The following NPFFR2 variants were observed in gnomAD, a reference collection of about 807,000 sequenced individuals.
NPFFR2 encodes G-protein coupled receptor 74.
Under a neutral mutation model 13.1 loss-of-function variants are expected in NPFFR2, and 15 were observed. The ratio of observed to expected loss-of-function variants is 1.15; its 90% CI spans 0.77 to 1.76. NPFFR2 has a LOEUF of 1.76. Ranked by LOEUF, NPFFR2 falls within the 40% of genes most tolerant of loss-of-function variation. The pLI, the probability that NPFFR2 is intolerant of heterozygous loss-of-function variation, is 0.00. For synonymous variants in NPFFR2, 190 were observed against 175.7 expected (o/e 1.08, Z -0.65); for missense variants, 572 against 503.5 (o/e 1.14, Z -1.30).
intron 1 of NPFFR2, among the ~76,000 whole-genome samples, chr4:72,103,104 G>A (rs1445687973): frequency 6.6e-6 from 1 of 152,062 alleles, no homozygotes; most frequent in Non-Finnish European, 1.5e-5. Context: ...GTTTTGATTT[G>A]CATTTTGAAT....
chr4:72,083,465 C>T (rs930270897), intron 1 of NPFFR2, among the ~76,000 whole-genome samples: 9 of 152,094 alleles, frequency 5.9e-5, no homozygotes, highest in Non-Finnish European at 1.0e-4. Context: ...TTTTTCAGTA[C>T]CTTAGCAGCA....
chr4:72,147,130 T>A lies in NPFFR2; in HGVS notation c.581T>A (p.Leu194His). The A allele has an allele frequency of 6.2e-7, 1 of 1,614,152 alleles. No individual in the cohort carries two copies. The highest frequency in any genetic ancestry group is 2.2e-5 in the East Asian group (1 of 44,882). ...VQEEKYYRVRLNSQNKTSPVY... is the reference protein window; with the variant it reads ...VQEEKYYRVRHNSQNKTSPVY... ...GAAGAAAAATATTACCGAGTGAGAC[T>A]CAACTCCCAGAATAAAACCAGTCCA... Residue 194 changes from leucine to histidine, a missense_variant, in exon 4 of 4, where the codon CTC (leucine) becomes CAC (histidine). Leu to His is a moderately conservative substitution (Grantham distance 99). Transcript: ENST00000308744.
chr4:72,053,190 A>G (rs771677180), intron 1 of NPFFR2, among the ~76,000 whole-genome samples: 33 of 151,920 alleles, frequency 2.2e-4, no homozygotes, highest in Non-Finnish European at 4.0e-4. Flanking sequence ...CATTTTGTCA[A>G]CAACTTCAAA....
chr4:72,091,156 A>G (rs1271288242), intron 1 of NPFFR2, among the ~76,000 whole-genome samples: 1 of 152,114 alleles, frequency 6.6e-6, no homozygotes, highest in Non-Finnish European at 1.5e-5. Flanking sequence ...TGTATGTTCA[A>G]CCAGCTCTGC....
At chr4:72,056,905 C>T (rs896810624) in intron 1 of NPFFR2, among the ~76,000 whole-genome samples, 2 of 151,852 alleles carry the variant, frequency 1.3e-5, no homozygotes, top group African/African-American at 4.8e-5. Flanking sequence ...TGAGGAGTTG[C>T]TTCTTATGGA....
chr4:72,067,361 C>T (rs1018646556), intron 1 of NPFFR2, among the ~76,000 whole-genome samples: 1 of 152,120 alleles, frequency 6.6e-6, no homozygotes, highest in African/African-American at 2.4e-5. Context: ...CTCCTCTCTT[C>T]CAGCTTTTCT....
At chr4:72,056,443 C>T (rs1719746742) in intron 1 of NPFFR2, among the ~76,000 whole-genome samples, 1 of 151,960 alleles carries the variant, frequency 6.6e-6, no homozygotes, top group Non-Finnish European at 1.5e-5. Context: ...TTACAATGCA[C>T]CTGGTCACTC....
chr4:72,117,574 G>A (rs575331097), intron 1 of NPFFR2, among the ~76,000 whole-genome samples: 76 of 151,440 alleles, frequency 5.0e-4, no homozygotes, highest in African/African-American at 1.7e-3. Flanking sequence ...TCATTACCAC[G>A]AAAGCTGCGA....
At chr4:72,131,479 G>A (rs1722241214) in intron 2 of NPFFR2, among the ~76,000 whole-genome samples, 1 of 150,016 alleles carries the variant, frequency 6.7e-6, no homozygotes, top group South Asian at 2.1e-4. Context: ...ATAGCACTAG[G>A]AGATATACCT....
chr4:72,039,430 G>A (rs1022561793), intron 1 of NPFFR2: 1 of 977,148 alleles, frequency 1.0e-6, no homozygotes, highest in African/African-American at 1.8e-5. Flanking sequence ...AATCTTAATT[G>A]GGTTCTATTA....
intron 1 of NPFFR2, among the ~76,000 whole-genome samples, chr4:72,036,866 G>A (rs1719051562): frequency 6.6e-6 from 1 of 152,056 alleles, no homozygotes; most frequent in Admixed American, 6.6e-5. Context: ...AAACATGCAA[G>A]GAAATAAGGA....
At chr4:72,057,443 G>A (rs1299332100) in intron 1 of NPFFR2, among the ~76,000 whole-genome samples, 1 of 151,900 alleles carries the variant, frequency 6.6e-6, no homozygotes, top group Non-Finnish European at 1.5e-5. Context: ...GCTTGTGGTG[G>A]CTCCAGGAAC....
At position 72,147,425 on chromosome 4, in the gene NPFFR2, T is replaced by G; in HGVS notation, c.876T>G (p.Thr292=). 3 of 1,614,176 alleles carry G rather than the reference T, an allele frequency of 1.9e-6. No homozygotes were observed. Among genetic ancestry groups the G allele is most frequent in the Non-Finnish European group, 2.5e-6 (3 of 1,180,036 alleles). The change falls in exon 4 of 4, where the codon ACT becomes ACG. Residue 292 remains threonine (T), a synonymous_variant. Coordinates refer to ENST00000308744, the MANE Select transcript of NPFFR2 (RefSeq NM_004885.3). Reference sequence around the variant, plus strand: ...TTCTCTCATGGCTGCCCCTGTGGACTCTAATGATGCTCTCAGACTACGCTG... The same window carrying G: ...TTCTCTCATGGCTGCCCCTGTGGACGCTAATGATGCTCTCAGACTACGCTG... ...LFILSWLPLW[T]LMMLSDYADL...
intron 3 of NPFFR2, among the ~76,000 whole-genome samples, chr4:72,139,970 C>T (rs1560423780): frequency 6.6e-6 from 1 of 152,106 alleles, no homozygotes; most frequent in Non-Finnish European, 1.5e-5. Flanking sequence ...AGAGGTCCTT[C>T]ACATCCCTTG....
intron 1 of NPFFR2, among the ~76,000 whole-genome samples, chr4:72,057,103 A>C (rs2109770978): frequency 6.6e-6 from 1 of 152,114 alleles, no homozygotes; most frequent in Non-Finnish European, 1.5e-5. Flanking sequence ...GAAATAAACA[A>C]ATAGAAGAAA....
chr4:72,062,971 C>T (rs972395172), intron 1 of NPFFR2, among the ~76,000 whole-genome samples: 8 of 152,008 alleles, frequency 5.3e-5, no homozygotes, highest in African/African-American at 1.4e-4. Context: ...AAACACTGTA[C>T]GTCTTGAAGG....
chr4:72,133,485 A>G (rs1437756106), intron 2 of NPFFR2, among the ~76,000 whole-genome samples: 1 of 152,162 alleles, frequency 6.6e-6, no homozygotes. Context: ...TGCTTTAGCT[A>G]TTCAGGCTCT....
intron 1 of NPFFR2, among the ~76,000 whole-genome samples, chr4:72,042,906 C>A (rs1189895975): frequency 1.3e-5 from 2 of 152,184 alleles, no homozygotes; most frequent in Non-Finnish European, 2.9e-5. Context: ...AATTTAATCA[C>A]CAAAACAATG....
intron 1 of NPFFR2, among the ~76,000 whole-genome samples, chr4:72,043,005 AG>A (rs1434600101): frequency 6.6e-6 from 1 of 152,190 alleles, no homozygotes; most frequent in Non-Finnish European, 1.5e-5. Context: ...ATGGTTTCTT[AG>A]GCCAAGTCCA....
Sources: gnomAD v4.1 joint callset for allele counts (sites outside exome capture counted in the v4.1 genomes callset) on GRCh38, gnomAD v4.1.1 for gene constraint, MANE v1.5 for transcripts, NCBI Gene and HGNC (gene_info 2026-07-23, HGNC 2026-07-21) for gene names.